The following GLS variants were observed in gnomAD, a reference collection of about 807,000 sequenced individuals.
GLS encodes glutaminase kidney isoform, mitochondrial.
Under a neutral mutation model 86.7 loss-of-function variants are expected in GLS, and 36 were observed. That is an observed-to-expected ratio of 0.42 (90% CI 0.32 to 0.55). The LOEUF is 0.55. Ranked by LOEUF, GLS falls within the 20% of genes least tolerant of loss-of-function variation. The pLI is 0.17. For missense variants in GLS, 528 were observed against 833.4 expected, an observed-to-expected ratio of 0.63 and a Z score of 4.51; for synonymous variants, 317 against 305.9, an observed-to-expected ratio of 1.04 and a Z score of -0.38.
At position 190,913,478 on chromosome 2, in the gene GLS, A is replaced by T; in HGVS notation, c.1038+3157A>T. The T allele has an allele frequency of 1.0e-6, 1 of 983,110 alleles. No individual in the cohort carries two copies. Among genetic ancestry groups the T allele is most frequent in the Non-Finnish European group, 1.2e-6 (1 of 812,710 alleles). 60.9% of individuals were successfully genotyped at this position (983,110 alleles called of 1,614,324 possible). On this transcript the variant is annotated intron_variant, in intron 7 of 17. Coordinates refer to ENST00000320717, the MANE Select transcript of GLS (RefSeq NM_014905.5). The surrounding 1 kb of genome is among the most constrained non-coding windows in gnomAD (Gnocchi z 6.1). ...TTTCTCTGTGGTAGCTACTAACTTT[A>T]AAGGAATACTTTTTGTTGTAATCTG...
chr2:190,955,823 G>T lies in GLS; in HGVS notation c.1853+1005G>T, dbSNP rs1690847239. On this transcript the variant is annotated intron_variant, in intron 17 of 17. Coordinates refer to ENST00000320717, the MANE Select transcript of GLS (RefSeq NM_014905.5). The surrounding 1 kb of genome is among the most constrained non-coding windows in gnomAD (Gnocchi z 5.6). ...CTTTTTAGTGATCGCCATTCTAACT[G>T]GTGTGAGATGGTATCTCATTGTGGT... Among the ~76,000 whole-genome samples, 1 of 152,178 alleles carries T rather than the reference G, an allele frequency of 6.6e-6. No homozygotes were observed. The highest frequency in any genetic ancestry group is 6.5e-5 in the Admixed American group (1 of 15,278).
chr2:190,946,314 A>G (rs752612178), intron 14 of GLS, among the ~76,000 whole-genome samples: 1 of 152,346 alleles, frequency 6.6e-6, no homozygotes, highest in South Asian at 2.1e-4. Flanking sequence ...ATTTTCATTT[A>G]AAGACTATAA....
At chr2:190,959,039 A>G (rs933354111) in intron 17 of GLS, among the ~76,000 whole-genome samples, 3 of 151,978 alleles carry the variant, frequency 2.0e-5, no homozygotes, top group African/African-American at 4.8e-5. Flanking sequence ...TCCCACTATT[A>G]TTGTGTGGGA....
intron 3 of GLS, among the ~76,000 whole-genome samples, chr2:190,899,822 A>G (rs1037994855): frequency 3.0e-4 from 46 of 152,238 alleles, no homozygotes; most frequent in Middle Eastern, 3.4e-3. Flanking sequence ...TCAGAATATC[A>G]TGCTCTCCCA....
Position 190,954,951 on chromosome 2 carries a change from C to T in GLS, c.1853+133C>T, listed in dbSNP as rs1690822204. On this transcript the variant is annotated intron_variant, in intron 17 of 17. Coordinates refer to ENST00000320717, the MANE Select transcript of GLS (RefSeq NM_014905.5). The surrounding 1 kb of genome is among the most constrained non-coding windows in gnomAD (Gnocchi z 4.0). ...ATGATATCTTATAAAGGCAATAAACCTTGTTTCTACTAGATAGGTAATTCT... is the reference window on the plus strand; with the variant it reads ...ATGATATCTTATAAAGGCAATAAACTTTGTTTCTACTAGATAGGTAATTCT... 1 of 622,486 alleles carries T rather than the reference C, an allele frequency of 1.6e-6. No individual in the cohort carries two copies. The highest frequency in any genetic ancestry group is 3.1e-5 in the Admixed American group (1 of 31,938). 38.6% of individuals were successfully genotyped at this position (622,486 alleles called of 1,614,324 possible).
chr2:190,916,490 T>C (rs551611679), intron 7 of GLS, among the ~76,000 whole-genome samples: 2 of 152,268 alleles, frequency 1.3e-5, no homozygotes, highest in Admixed American at 6.5e-5. Flanking sequence ...ACTGTAACTT[T>C]TTCAGAATTA....
intron 5 of GLS, 108 bp from the exon 6 acceptor site, chr2:190,904,896 G>A (rs1689079668): frequency 1.4e-6 from 1 of 702,246 alleles, no homozygotes; most frequent in Non-Finnish European, 2.5e-6. Flanking sequence ...GTTGAATTAT[G>A]GGAAAATTTT....
rs1332721868 is a variant in GLS, at chr2:190,914,553, T to A, written c.1038+4232T>A. On this transcript the variant is annotated intron_variant, in intron 7 of 17. Coordinates refer to ENST00000320717, the MANE Select transcript of GLS (RefSeq NM_014905.5). The surrounding 1 kb of genome is among the most constrained non-coding windows in gnomAD (Gnocchi z 4.4). ...GAAAAACATTCTTTTTTACCTGGAG[T>A]GTCTTATTTTTTATTTTCCTAATAC... Among the ~76,000 whole-genome samples, 1 of 151,980 alleles carries A rather than the reference T, an allele frequency of 6.6e-6. No homozygotes were observed. Among genetic ancestry groups the A allele is most frequent in the Non-Finnish European group, 1.5e-5 (1 of 67,968 alleles).
chr2:190,924,740 C>T lies in GLS; in HGVS notation c.1248+147C>T, dbSNP rs539706090. On this transcript the variant is annotated intron_variant, in intron 11 of 17. Coordinates refer to ENST00000320717, the MANE Select transcript of GLS (RefSeq NM_014905.5). This position sits in a 1 kb window ranked among gnomAD's most constrained non-coding sequence, Gnocchi z 5.2. ...GGTCATCCTGGCCAACATGGTGAAACCCCATCTCTACTAAAAATACAAAAA... is the reference window on the plus strand; with the variant it reads ...GGTCATCCTGGCCAACATGGTGAAATCCCATCTCTACTAAAAATACAAAAA... 28 of 580,334 alleles carry T rather than the reference C, an allele frequency of 4.8e-5. No individual in the cohort carries two copies. The highest frequency in any genetic ancestry group is 4.6e-4 in the African/African-American group (24 of 52,732). 35.9% of individuals were successfully genotyped at this position (580,334 alleles called of 1,614,324 possible).
chr2:190,958,843 T>C (rs1690925223), intron 17 of GLS, among the ~76,000 whole-genome samples: 1 of 152,136 alleles, frequency 6.6e-6, no homozygotes, highest in Admixed American at 6.5e-5. Context: ...AATTATGTGG[T>C]TGGCCAATTT....
Position 190,913,364 on chromosome 2 carries a change from G to A in GLS, c.1038+3043G>A. On this transcript the variant is annotated intron_variant, in intron 7 of 17. Coordinates refer to ENST00000320717, the MANE Select transcript of GLS (RefSeq NM_014905.5). The surrounding 1 kb of genome is among the most constrained non-coding windows in gnomAD (Gnocchi z 6.1). ...TTAAAATTTTAAACAAAGCTATATA[G>A]GTAAATACCTTTTTAAAAACAAATG... 9.7e-7 allele frequency: 1 copy of A among 1,026,324 alleles called. No homozygotes were observed. The highest frequency in any genetic ancestry group is 1.2e-6 in the Non-Finnish European group (1 of 811,912). 63.6% of individuals were successfully genotyped at this position (1,026,324 alleles called of 1,614,324 possible).
chr2:190,934,449 T>C, intron 14 of GLS: 2 of 961,394 alleles, frequency 2.1e-6, no homozygotes, highest in Non-Finnish European at 2.5e-6. Flanking sequence ...AAGGATTTTA[T>C]GCTTACTTGA....
At chr2:190,901,892 A>G in intron 4 of GLS, 55 bp from the exon 5 acceptor site, 1 of 1,102,860 alleles carries the variant, frequency 9.1e-7, no homozygotes, top group Non-Finnish European at 1.4e-6. Flanking sequence ...GGTGGAAGAA[A>G]ATACATTATT....
rs907237930 is a variant in GLS at position 190,913,609 on chromosome 2, G to A, written c.1038+3288G>A. ...TTATATGATGTAGCAGTATCCTTAC[G>A]TATTTGTTTTCTTTTCACTGGTAAA... On this transcript the variant is annotated intron_variant, in intron 7 of 17. Transcript: ENST00000320717. The surrounding 1 kb of genome is among the most constrained non-coding windows in gnomAD (Gnocchi z 6.1). 35 of 968,574 alleles carry A rather than the reference G, an allele frequency of 3.6e-5. No individual in the cohort carries two copies. The highest frequency in any genetic ancestry group is 4.1e-5 in the Non-Finnish European group (33 of 814,776). The allele number at this position is 968,574 out of a possible 1,614,324, so 60.0% of individuals were successfully genotyped here.
rs1380027131 is a variant in GLS, at chr2:190,905,864, G to A, written c.979+697G>A. ...TCTTCTAAGCATATGCTGTGTTTCT[G>A]ATTGATGAGTTAAGATATAGAATTG... On this transcript the variant is annotated intron_variant, in intron 6 of 17. Transcript: ENST00000320717. The surrounding 1 kb of genome is among the most constrained non-coding windows in gnomAD (Gnocchi z 4.6). Among the ~76,000 whole-genome samples the A allele has an allele frequency of 1.3e-5, 2 of 152,074 alleles. No individual in the cohort carries two copies. Among genetic ancestry groups the A allele is most frequent in the Non-Finnish European group, 2.9e-5 (2 of 67,942 alleles).
chr2:190,881,994 A>G (rs1688217619), intron 1 of GLS: 1 of 152,630 alleles, frequency 6.6e-6, no homozygotes, highest in Admixed American at 6.5e-5. Context: ...GTTGGAAGCC[A>G]GATGTGACAG....
chr2:190,891,494 T>A (rs2125979575), intron 1 of GLS, among the ~76,000 whole-genome samples: 1 of 152,158 alleles, frequency 6.6e-6, no homozygotes, highest in African/African-American at 2.4e-5. Context: ...GAGATAGCAC[T>A]TATTTACAGG....
intron 1 of GLS, among the ~76,000 whole-genome samples, chr2:190,887,240 A>G (rs1265674501): frequency 6.6e-6 from 1 of 152,196 alleles, no homozygotes; most frequent in African/African-American, 2.4e-5. Context: ...CTGTTAGTAC[A>G]GTTTTACCCT....
intron 17 of GLS, among the ~76,000 whole-genome samples, chr2:190,958,908 G>A (rs1310186836): frequency 6.6e-6 from 1 of 152,176 alleles, no homozygotes; most frequent in Non-Finnish European, 1.5e-5. Context: ...GACTTGGGGT[G>A]GAGAGTTCTG....
Sources: gnomAD v4.1 joint callset for allele counts (sites outside exome capture counted in the v4.1 genomes callset) on GRCh38, gnomAD v4.1.1 for gene constraint, Gnocchi (gnomAD v3.1) non-coding constraint, MANE v1.5 for transcripts, NCBI Gene and HGNC (gene_info 2026-07-23, HGNC 2026-07-21) for gene names.